The following NRG1 variants were observed in gnomAD, a reference collection of about 807,000 sequenced individuals.
NRG1 encodes the protein neuregulin 1, also known as pro-neuregulin-1, membrane-bound isoform.
Under a neutral mutation model 63.8 loss-of-function variants are expected in NRG1, and 18 were observed. The observed-to-expected ratio is 0.28, with a 90% CI of 0.19 to 0.42. The LOEUF (loss-of-function observed/expected upper bound fraction) is 0.42, where lower values mean the gene tolerates loss of function less well. Ranked by LOEUF, NRG1 falls within the 10% of genes least tolerant of loss-of-function variation. The pLI is 1.00. For missense variants in NRG1, 762 were observed against 814.7 expected, an observed-to-expected ratio of 0.94 and a Z score of 0.79; for synonymous variants, 302 against 301.3, an observed-to-expected ratio of 1.00 and a Z score of -0.02.
chr8:32,536,918 G>C (rs1173561386), intron 1 of NRG1, among the ~76,000 whole-genome samples: 3 of 23,172 alleles, frequency 1.3e-4, no homozygotes, highest in Non-Finnish European at 2.0e-4. Context: ...GCAAGACTCC[G>C]TCTCAAAAAA....
chr8:31,708,647 G>A (rs1026879275), intron 1 of NRG1, among the ~76,000 whole-genome samples: 3 of 151,616 alleles, frequency 2.0e-5, no homozygotes, highest in Admixed American at 6.6e-5. Context: ...GGGTTTCACC[G>A]TTTTAGCCGG....
intron 1 of NRG1, among the ~76,000 whole-genome samples, chr8:32,063,649 T>A (rs571212339): frequency 6.6e-6 from 1 of 152,218 alleles, no homozygotes; most frequent in South Asian, 2.1e-4. Context: ...TCAAAAACTT[T>A]TGATAAAGCT....
chr8:32,192,607 G>T (rs1011784836), intron 1 of NRG1, among the ~76,000 whole-genome samples: 6 of 151,838 alleles, frequency 4.0e-5, no homozygotes, highest in African/African-American at 1.2e-4. Context: ...AAGGTGGGAG[G>T]GGTGAAAAAG....
chr8:32,094,505 C>T (rs772930980), intron 1 of NRG1, among the ~76,000 whole-genome samples: 6 of 152,054 alleles, frequency 3.9e-5, no homozygotes, highest in Non-Finnish European at 8.8e-5. Flanking sequence ...CCCAAGCTGT[C>T]GTATATTTTC....
chr8:32,658,025 C>T (rs1391599591), intron 5 of NRG1, among the ~76,000 whole-genome samples: 1 of 152,116 alleles, frequency 6.6e-6, no homozygotes, highest in Non-Finnish European at 1.5e-5. Context: ...TTTTTTAAAT[C>T]TTCCTACTTC....
intron 7 of NRG1, among the ~76,000 whole-genome samples, chr8:32,753,201 C>A (rs1319554793): frequency 2.6e-5 from 4 of 152,128 alleles, no homozygotes; most frequent in Non-Finnish European, 5.9e-5. Context: ...TTATTTCATA[C>A]CAGTTGAGTT....
intron 1 of NRG1, among the ~76,000 whole-genome samples, chr8:32,528,911 T>C (rs796928648): frequency 2.6e-5 from 4 of 152,298 alleles, no homozygotes; most frequent in African/African-American, 9.6e-5. Flanking sequence ...ACCAAATTCC[T>C]CCACTAAATA....
At chr8:32,006,763 A>C (rs1484565599) in intron 1 of NRG1, among the ~76,000 whole-genome samples, 1 of 152,028 alleles carries the variant, frequency 6.6e-6, no homozygotes, top group African/African-American at 2.4e-5. Context: ...TGATCTTGAA[A>C]GTGGTTTCTT....
chr8:31,700,493 G>A (rs1027144474), intron 1 of NRG1, among the ~76,000 whole-genome samples: 1 of 152,142 alleles, frequency 6.6e-6, no homozygotes, highest in African/African-American at 2.4e-5. Flanking sequence ...CTGAACAGCT[G>A]TTTGTTTGGC....
At chr8:32,092,371 T>A (rs1402558497) in intron 1 of NRG1, among the ~76,000 whole-genome samples, 1 of 149,336 alleles carries the variant, frequency 6.7e-6, no homozygotes, top group Non-Finnish European at 1.5e-5. Flanking sequence ...GCAAGAGGAT[T>A]GCTTGAGCCC....
At chr8:32,347,249 T>G (rs756670653) in intron 1 of NRG1, among the ~76,000 whole-genome samples, 4 of 152,128 alleles carry the variant, frequency 2.6e-5, no homozygotes, top group Non-Finnish European at 5.9e-5. Flanking sequence ...TACTGTAAGT[T>G]ATTCCTTATA....
chr8:32,413,533 GGCTCAC>G (rs1320183052), intron 1 of NRG1, among the ~76,000 whole-genome samples: 1 of 152,258 alleles, frequency 6.6e-6, no homozygotes, highest in Admixed American at 6.5e-5. Context: ...CGGGCGCAGT[GGCTCAC>G]GCCTGTAATC....
intron 5 of NRG1, among the ~76,000 whole-genome samples, chr8:32,649,148 G>A (rs188822934): frequency 4.1e-4 from 60 of 145,752 alleles, no homozygotes; most frequent in Non-Finnish European, 1.2e-4. Context: ...AGATCCATTA[G>A]TGAGGTACAT....
At chr8:31,907,310 A>C (rs527975091) in intron 1 of NRG1, among the ~76,000 whole-genome samples, 4 of 151,432 alleles carry the variant, frequency 2.6e-5, no homozygotes, top group African/African-American at 9.7e-5. Flanking sequence ...CTAAATTGAC[A>C]AGTCCAAATA....
chr8:32,503,841 G>A (rs1204432796), intron 1 of NRG1, among the ~76,000 whole-genome samples: 2 of 152,134 alleles, frequency 1.3e-5, no homozygotes, highest in Non-Finnish European at 2.9e-5. Flanking sequence ...CAGGCGACTT[G>A]AGAGATCAGG....
Position 31,982,843 on chromosome 8 carries a change from T to C in NRG1, c.37+343412T>C, listed in dbSNP as rs144851573. On this transcript the variant is annotated intron_variant, in intron 1 of 10. Transcript: ENST00000519301. ...GAGGCTATTGGGCATAGGCACCTAG[T>C]AAGTAACTGTTAATAACAACATGCT... is the stretch of plus-strand genomic sequence containing the variant. Among the ~76,000 whole-genome samples, 450 of 152,242 alleles carry C rather than the reference T, an allele frequency of 3.0e-3. 3 individuals are homozygous for C. Among genetic ancestry groups the C allele is most frequent in the Non-Finnish European group, 5.5e-3 (372 of 68,000 alleles).
chr8:32,772,806 T>A (rs1831895706), downstream of NRG1, among the ~76,000 whole-genome samples: 1 of 152,034 alleles, frequency 6.6e-6, no homozygotes, highest in African/African-American at 2.4e-5. Context: ...TCTTCACCAT[T>A]AAGAATAAGA....
intron 1 of NRG1, among the ~76,000 whole-genome samples, chr8:32,382,024 G>A (rs1810422042): frequency 1.3e-5 from 2 of 152,156 alleles, no homozygotes; most frequent in African/African-American, 2.4e-5. Flanking sequence ...TAGCATGAAT[G>A]AGATGATAAC....
chr8:32,407,870 A>G (rs1252477466), intron 1 of NRG1, among the ~76,000 whole-genome samples: 1 of 152,208 alleles, frequency 6.6e-6, no homozygotes, highest in Admixed American at 6.5e-5. Context: ...ATAGGGTCTC[A>G]GCTCACTGCT....
Sources: gnomAD v4.1 joint callset for allele counts (sites outside exome capture counted in the v4.1 genomes callset) on GRCh38, gnomAD v4.1.1 for gene constraint, MANE v1.5 for transcripts, NCBI Gene and HGNC (gene_info 2026-07-23, HGNC 2026-07-21) for gene names.